RHPN2: variants seen among roughly 807,000 people sequenced by gnomAD.
RHPN2 encodes rhophilin Rho GTPase binding protein 2.
In RHPN2, 40 loss-of-function variants were observed where a neutral mutation model predicts 79.0. The ratio of observed to expected loss-of-function variants is 0.51; its 90% CI spans 0.39 to 0.66. The LOEUF (loss-of-function observed/expected upper bound fraction) is 0.66. RHPN2 is among the 30% of genes least tolerant of loss of function. The pLI is 0.00. For synonymous variants in RHPN2, 285 were observed against 363.5 expected (o/e 0.78, Z 2.46); for missense variants, 686 against 883.5 (o/e 0.78, Z 2.83).
chr19:33,028,357 A>G (rs1177852591), intron 2 of RHPN2, among the ~76,000 whole-genome samples: 1 of 152,012 alleles, frequency 6.6e-6, no homozygotes, highest in Non-Finnish European at 1.5e-5. Context: ...GAGTCTCACT[A>G]TGTTGCCCAG....
chr19:32,982,486 T>C (rs543341328), intron 14 of RHPN2, among the ~76,000 whole-genome samples: 6 of 151,864 alleles, frequency 4.0e-5, no homozygotes, highest in Admixed American at 2.6e-4. Context: ...AAGTAGGGGG[T>C]ACTTCGAGCC....
intron 1 of RHPN2, among the ~76,000 whole-genome samples, chr19:33,045,923 A>G (rs928013568): frequency 6.6e-6 from 1 of 152,216 alleles, no homozygotes; most frequent in African/African-American, 2.4e-5. Context: ...ATTCAAGATT[A>G]TTTCATATAA....
chr19:32,981,109 G>A (rs10419665), intron 14 of RHPN2, among the ~76,000 whole-genome samples: 24,755 of 151,966 alleles, frequency 0.16, 2,678 homozygotes, highest in African/African-American at 0.31. Context: ...ATAAGCGTGA[G>A]CCACCACGCC....
intron 2 of RHPN2, among the ~76,000 whole-genome samples, chr19:33,036,153 G>A (rs372792346): frequency 2.3e-4 from 35 of 150,076 alleles, no homozygotes; most frequent in Non-Finnish European, 2.2e-4. Flanking sequence ...TAATAATATC[G>A]ATTCCTGCAA....
intron 10 of RHPN2, among the ~76,000 whole-genome samples, chr19:32,997,488 G>A (rs1203537270): frequency 1.9e-5 from 1 of 52,936 alleles, no homozygotes; most frequent in East Asian, 4.0e-4. Context: ...ACAGAGAAAG[G>A]CTTTTTTTTT....
At chr19:33,032,627 T>C (rs530954512) in intron 2 of RHPN2, among the ~76,000 whole-genome samples, 4 of 152,194 alleles carry the variant, frequency 2.6e-5, no homozygotes, top group Non-Finnish European at 5.9e-5. Context: ...ACTGAATTGA[T>C]GTCATTACAC....
chr19:33,056,270 A>T (rs1008580133), intron 1 of RHPN2, among the ~76,000 whole-genome samples: 4 of 151,166 alleles, frequency 2.6e-5, no homozygotes, highest in Non-Finnish European at 5.9e-5. Context: ...GCACCACCAC[A>T]CCCAGCTAAT....
intron 1 of RHPN2, among the ~76,000 whole-genome samples, chr19:33,047,643 C>A (rs1400034300): frequency 6.6e-6 from 1 of 152,186 alleles, no homozygotes; most frequent in African/African-American, 2.4e-5. Flanking sequence ...GCCTCTCCGA[C>A]CTCTGCCCAA....
chr19:33,005,623 A>G (rs67214541), intron 7 of RHPN2, among the ~76,000 whole-genome samples: 32 of 143,048 alleles, frequency 2.2e-4, no homozygotes, highest in South Asian at 2.2e-4. Flanking sequence ...AAAAAAAAAA[A>G]AAGCCCTGCC....
At chr19:33,038,070 G>A (rs778516255) in intron 2 of RHPN2, among the ~76,000 whole-genome samples, 1 of 152,068 alleles carries the variant, frequency 6.6e-6, no homozygotes, top group Non-Finnish European at 1.5e-5. Context: ...CCGAATGCCA[G>A]TCAGGTGTGG....
chr19:32,997,026 G>C (rs1287769520), intron 10 of RHPN2, among the ~76,000 whole-genome samples: 1 of 152,128 alleles, frequency 6.6e-6, no homozygotes, highest in African/African-American at 2.4e-5. Context: ...CTCTTGAGCA[G>C]CTGGGACCAC....
intron 1 of RHPN2, among the ~76,000 whole-genome samples, chr19:33,049,161 C>T (rs1972167845): frequency 6.6e-6 from 1 of 152,124 alleles, no homozygotes. Flanking sequence ...CTGGGGAACA[C>T]AAGAAACACC....
intron 2 of RHPN2, among the ~76,000 whole-genome samples, chr19:33,030,227 A>C (rs1043752630): frequency 6.6e-6 from 1 of 152,160 alleles, no homozygotes; most frequent in African/African-American, 2.4e-5. Context: ...AAAATAAGAT[A>C]CTGGAGGCTC....
rs556100265 is a variant in RHPN2 at position 33,002,139 on chromosome 19, C to G, written c.1105+108G>C. On this transcript the variant is annotated intron_variant, in intron 9 of 14. Coordinates refer to ENST00000254260, the MANE Select transcript of RHPN2 (RefSeq NM_033103.5). ...GGTCACTCCCATCCTCTGCCTTCAG[C>G]CTGTGAGCATCTCCAGGGAAGGCAG... The G allele has an allele frequency of 1.0e-5, 14 of 1,361,604 alleles. No homozygotes were observed. In the Admixed American group the frequency reaches 1.2e-4, roughly 11 times the overall value. 84.3% of individuals were successfully genotyped at this position (1,361,604 alleles called of 1,614,324 possible).
intron 2 of RHPN2, among the ~76,000 whole-genome samples, chr19:33,036,838 A>G (rs7259549): frequency 0.011 from 1,675 of 151,694 alleles, 36 homozygotes; most frequent in African/African-American, 0.038. Flanking sequence ...CCCGTGGGGC[A>G]GGGCTCAGCA....
At chr19:32,993,913 C>T in intron 12 of RHPN2, 64 bp downstream of exon 12, 1 of 1,213,626 alleles carries the variant, frequency 8.2e-7, no homozygotes, top group Non-Finnish European at 1.2e-6. Context: ...ACTAAGACAC[C>T]ATACTCGCCA....
chr19:33,061,066 G>A (rs1209491788), intron 1 of RHPN2, among the ~76,000 whole-genome samples: 1 of 151,958 alleles, frequency 6.6e-6, no homozygotes, highest in African/African-American at 2.4e-5. Context: ...CAGTTCCCAG[G>A]TCAAGCAAGA....
At chr19:32,985,781 A>G (rs1306446311) in intron 14 of RHPN2, among the ~76,000 whole-genome samples, 2 of 152,140 alleles carry the variant, frequency 1.3e-5, no homozygotes, top group African/African-American at 4.8e-5. Flanking sequence ...GCAGGCATGC[A>G]CCACCACATC....
intron 7 of RHPN2, among the ~76,000 whole-genome samples, chr19:33,007,569 C>T (rs11881251): frequency 0.25 from 37,208 of 151,696 alleles, 4,831 homozygotes; most frequent in Non-Finnish European, 0.28. Flanking sequence ...ACACCTAATA[C>T]AAGAAAAAGA....
Sources: gnomAD v4.1 joint callset for allele counts (sites outside exome capture counted in the v4.1 genomes callset) on GRCh38, gnomAD v4.1.1 for gene constraint, MANE v1.5 for transcripts, NCBI Gene and HGNC (gene_info 2026-07-23, HGNC 2026-07-21) for gene names.